Variants in SSUH2 observed in about 807,000 individuals in gnomAD.
SSUH2 encodes protein SSUH2 homolog.
A neutral mutation model predicts 55.3 loss-of-function variants in SSUH2; 47 were observed. The observed-to-expected ratio is 0.85, with a 90% confidence interval of 0.67 to 1.08. SSUH2 has a LOEUF of 1.08. Among genes scored for constraint, SSUH2 ranks in the 50% least tolerant of loss-of-function variants. The pLI is 0.00. For missense variants in SSUH2, 535 were observed against 490.7 expected, an observed-to-expected ratio of 1.09 and a Z score of -0.85; for synonymous variants, 212 against 191.5, an observed-to-expected ratio of 1.11 and a Z score of -0.89.
intron 10 of SSUH2, among the ~76,000 whole-genome samples, chr3:8,624,068 G>A (rs1291666535): frequency 6.6e-6 from 1 of 152,206 alleles, no homozygotes. Context: ...GATACAAAAT[G>A]AACCACAAAT....
At chr3:8,627,819 T>C (rs1351312919) in intron 7 of SSUH2, 36 bp from the exon 8 acceptor site, 14 of 1,579,910 alleles carry the variant, frequency 8.9e-6, no homozygotes, top group Non-Finnish European at 1.1e-5. Flanking sequence ...CCCGCTGGCC[T>C]CCCAGGAAGC....
chr3:8,623,982 G>A (rs1697000462), intron 10 of SSUH2, among the ~76,000 whole-genome samples: 2 of 152,004 alleles, frequency 1.3e-5, no homozygotes, highest in Non-Finnish European at 2.9e-5. Context: ...CGTGTAGCGG[G>A]AAAGGAACTC....
rs1170191919 is a variant in SSUH2, at chr3:8,632,124, A to G, written c.340-15T>C. 1.9e-6 allele frequency: 3 copies of G among 1,611,904 alleles called. No homozygotes were observed. The East Asian group carries it at 6.7e-5, about 36-fold the overall frequency. On this transcript the variant is annotated splice_polypyrimidine_tract_variant and intron_variant, in intron 4 of 11. Coordinates refer to ENST00000544814, the MANE Select transcript of SSUH2 (RefSeq NM_001256748.3). ...TCCAGACGGTACTAAAAGGAAAAAA[A>G]CAGCATGTTCACACTCGTGCCCCTT...
At chr3:8,634,639 G>A (rs1699594101) in intron 3 of SSUH2, 1 of 1,244,260 alleles carries the variant, frequency 8.0e-7, no homozygotes, top group Non-Finnish European at 1.1e-6. Context: ...AGGAAGCAGG[G>A]TTCTTCCTAA....
At chr3:8,631,029 A>C in intron 5 of SSUH2, 100 bp from the exon 6 acceptor site, 19 of 1,212,334 alleles carry the variant, frequency 1.6e-5, no homozygotes, top group Admixed American at 3.3e-5. Flanking sequence ...GGTGCCAGGC[A>C]TGAGTCTAGA....
Position 8,668,095 on chromosome 3 carries a change from C to T in SSUH2, c.-455+2903G>A, listed in dbSNP as rs576729888. On this transcript the variant is annotated intron_variant, in intron 5 of 18. Coordinates refer to the SSUH2 transcript ENST00000317371. ...GACCCAGGGTCTCCAGGTGAAGCAC[C>T]GAGAGAATCTGCTACACCCAGCTAT... Among the ~76,000 whole-genome samples, 182 of 152,036 alleles carry T rather than the reference C, an allele frequency of 1.2e-3. 1 individual carries two copies. Among genetic ancestry groups the T allele is most frequent in the African/African-American group, 4.1e-3 (171 of 41,460 alleles).
Position 8,630,895 on chromosome 3 carries a change from G to T in SSUH2, c.435C>A (p.Ser145=), listed in dbSNP as rs1575107428. The T allele has an allele frequency of 1.4e-6, 2 of 1,467,742 alleles. No homozygotes were observed. Among genetic ancestry groups the T allele is most frequent in the East Asian group, 5.3e-5 (2 of 37,684 alleles). 90.9% of individuals were successfully genotyped at this position (1,467,742 alleles called of 1,614,324 possible). A position where few individuals can be genotyped will look rare whatever the true frequency, so the allele number is the denominator to read the frequency against. ...HSVDGPQRGA[S]PRLWDIKVQG... is the part of the protein sequence containing the mutation. ...GAACCTTGATGTCCCAGAGCCTGGGGGAGGCGCCTCTTTGCGGCCCATCCA... is the reference window on the plus strand; with the variant it reads ...GAACCTTGATGTCCCAGAGCCTGGGTGAGGCGCCTCTTTGCGGCCCATCCA... Residue 145 remains serine, a synonymous_variant, in exon 6 of 12, where the codon TCC becomes TCA. Transcript: ENST00000544814.
chr3:8,640,829 C>G (rs1700704998), intron 1 of SSUH2, among the ~76,000 whole-genome samples: 1 of 152,190 alleles, frequency 6.6e-6, no homozygotes, highest in South Asian at 2.1e-4. Context: ...GTAGGCCACC[C>G]TGGGTTGCCA....
intron 10 of SSUH2, among the ~76,000 whole-genome samples, chr3:8,624,756 A>T (rs1330486982): frequency 1.3e-5 from 2 of 152,210 alleles, no homozygotes; most frequent in African/African-American, 4.8e-5. Flanking sequence ...AGCTTTATCG[A>T]CAAAGGCAGG....
At chr3:8,646,256 T>C (rs1007073547), upstream of SSUH2, among the ~76,000 whole-genome samples, 2 of 152,202 alleles carry the variant, frequency 1.3e-5, no homozygotes, top group African/African-American at 4.8e-5. Context: ...CAAAACATGA[T>C]AAATGATAGA....
intron 6 of SSUH2, among the ~76,000 whole-genome samples, chr3:8,662,834 C>T (rs149486721): frequency 3.9e-5 from 6 of 152,360 alleles, no homozygotes; most frequent in Middle Eastern, 3.4e-3. Context: ...ATGACACCCA[C>T]GTGGCTGAAG....
intron 6 of SSUH2, among the ~76,000 whole-genome samples, chr3:8,660,518 CA>C (rs1703372177): frequency 6.6e-6 from 1 of 152,102 alleles, no homozygotes; most frequent in Admixed American, 6.5e-5. Context: ...AAGCCAAGGC[CA>C]AAAGAATGGG....
intron 1 of SSUH2, among the ~76,000 whole-genome samples, chr3:8,641,885 T>A (rs1700911357): frequency 6.6e-6 from 1 of 152,156 alleles, no homozygotes; most frequent in South Asian, 2.1e-4. Flanking sequence ...GAACAAGACT[T>A]CTGGGAGCAG....
At chr3:8,633,012 T>C (rs1357111683) in intron 4 of SSUH2, among the ~76,000 whole-genome samples, 1 of 152,184 alleles carries the variant, frequency 6.6e-6, no homozygotes, top group Non-Finnish European at 1.5e-5. Context: ...AATTTCCAAT[T>C]TCTCGTCTGT....
chr3:8,648,157 C>A (rs182226952), upstream of SSUH2, among the ~76,000 whole-genome samples: 1 of 152,114 alleles, frequency 6.6e-6, no homozygotes, highest in Non-Finnish European at 1.5e-5. Context: ...ACAACAACTC[C>A]GTAAGATAGA....
upstream of SSUH2, among the ~76,000 whole-genome samples, chr3:8,645,473 C>A (rs919627131): frequency 1.3e-5 from 2 of 152,160 alleles, no homozygotes; most frequent in Admixed American, 1.3e-4. Flanking sequence ...GAGTTTGACA[C>A]CCCTTCAACC....
chr3:8,630,771 G>A (rs370895143), intron 6 of SSUH2, 34 bp downstream of exon 6: 13 of 1,345,864 alleles, frequency 9.7e-6, no homozygotes, highest in Non-Finnish European at 1.3e-5. Flanking sequence ...AGGGAGAAGG[G>A]CAAGTATTCC....
intron 5 of SSUH2, 103 bp from the exon 6 acceptor site, chr3:8,631,032 A>C (rs974242117): frequency 1.7e-6 from 2 of 1,210,144 alleles, no homozygotes; most frequent in Admixed American, 3.3e-5. Context: ...GCCAGGCATG[A>C]GTCTAGATCC....
chr3:8,665,341 G>T (rs1335994982), intron 5 of SSUH2, among the ~76,000 whole-genome samples: 1 of 152,150 alleles, frequency 6.6e-6, no homozygotes, highest in African/African-American at 2.4e-5. Flanking sequence ...CAGCTAAAGA[G>T]GACCCTCGGT....
Sources: gnomAD v4.1 joint callset for allele counts (sites outside exome capture counted in the v4.1 genomes callset) on GRCh38, gnomAD v4.1.1 for gene constraint, MANE v1.5 for transcripts, NCBI Gene and HGNC (gene_info 2026-07-23, HGNC 2026-07-21) for gene names.